ANO2: variants seen among roughly 807,000 people sequenced by gnomAD.
The protein encoded by ANO2 is anoctamin 2, also known as anoctamin-2.
In ANO2, 101 loss-of-function variants were observed where a neutral mutation model predicts 124.2. The observed-to-expected ratio is 0.81, with a 90% confidence interval of 0.69 to 0.96. ANO2 has a LOEUF of 0.96. ANO2 is among the 40% of genes least tolerant of loss of function. The probability of loss-of-function intolerance (pLI) is 0.00; values close to 1 mark genes in which losing one functional copy is unlikely to be tolerated. For synonymous variants in ANO2, 486 were observed against 482.5 expected, an observed-to-expected ratio of 1.01 and a Z score of -0.09; for missense variants, 1,293 against 1,274.5, an observed-to-expected ratio of 1.01 and a Z score of -0.22.
chr12:5,784,155 C>T (rs903722857), intron 10 of ANO2, among the ~76,000 whole-genome samples: 2 of 142,396 alleles, frequency 1.4e-5, no homozygotes, highest in African/African-American at 4.9e-5. Context: ...TCATGCTATT[C>T]CCCCCTATCT....
At position 5,615,266 on chromosome 12, in the gene ANO2, C is replaced by T; in HGVS notation, c.1848G>A (p.Glu616=). 8 of 1,613,590 alleles carry T rather than the reference C, an allele frequency of 5.0e-6. No individual in the cohort carries two copies. The highest frequency in any genetic ancestry group is 6.8e-6 in the Non-Finnish European group (8 of 1,179,740). The change falls in exon 17 of 25, where the codon GAG becomes GAA. Residue 616 remains glutamate (E), a synonymous_variant. Transcript: ENST00000682330. ...EVPKTEQTFE[E]RLILKAFLLK... ...GCAAGAAAGCTTTGAGGATCAGGCG[C>T]TCTTCAAAAGTCTGTTCTGTTTTCG...
At chr12:5,819,181 C>A (rs959801546) in intron 7 of ANO2, among the ~76,000 whole-genome samples, 1 of 152,168 alleles carries the variant, frequency 6.6e-6, no homozygotes, top group Non-Finnish European at 1.5e-5. Flanking sequence ...AATGTTGATT[C>A]TCCTCAGGAG....
chr12:5,627,501 C>T (rs1223499717), intron 16 of ANO2, among the ~76,000 whole-genome samples: 1 of 152,222 alleles, frequency 6.6e-6, no homozygotes. Flanking sequence ...GGACTCTGTC[C>T]CTGATCAGGC....
At chr12:5,806,395 C>A (rs1025285041) in intron 8 of ANO2, among the ~76,000 whole-genome samples, 4 of 152,206 alleles carry the variant, frequency 2.6e-5, no homozygotes, top group African/African-American at 7.2e-5. Flanking sequence ...TGGTTTAGCC[C>A]ATCACGTGAA....
rs886572843 is a variant in ANO2 at position 5,931,193 on chromosome 12, C to T, written c.23-8389G>A. 3.3e-5 allele frequency among the ~76,000 whole-genome samples: 5 copies of T among 152,080 alleles called. No individual in the cohort carries two copies. The South Asian group carries it at 1.0e-3, about 32-fold the overall frequency. ...TATGACATACAGGGTCTTTCATGATCGAGTCCGCACCTACCCGTCTGGACC... is the reference window on the plus strand; with the variant it reads ...TATGACATACAGGGTCTTTCATGATTGAGTCCGCACCTACCCGTCTGGACC... On this transcript the variant is annotated intron_variant, in intron 1 of 24. Transcript: ENST00000682330.
At chr12:5,796,443 C>T (rs1449126751) in intron 10 of ANO2, among the ~76,000 whole-genome samples, 1 of 150,906 alleles carries the variant, frequency 6.6e-6, no homozygotes, top group African/African-American at 2.5e-5. Flanking sequence ...CACACATGCA[C>T]TCACACACAC....
chr12:5,768,579 A>T (rs1416862650), intron 10 of ANO2, among the ~76,000 whole-genome samples: 2 of 152,136 alleles, frequency 1.3e-5, no homozygotes, highest in African/African-American at 4.8e-5. Context: ...GTGAGCACAG[A>T]CGTGCACGGA....
At chr12:5,584,944 T>G (rs185099352) in intron 20 of ANO2, among the ~76,000 whole-genome samples, 2 of 152,248 alleles carry the variant, frequency 1.3e-5, no homozygotes, top group South Asian at 2.1e-4. Flanking sequence ...CCATGTGCAT[T>G]GCTAAATACG....
chr12:5,711,472 T>C (rs1216306999), intron 14 of ANO2, among the ~76,000 whole-genome samples: 1 of 152,192 alleles, frequency 6.6e-6, no homozygotes, highest in Non-Finnish European at 1.5e-5. Flanking sequence ...ATAAGCCACA[T>C]GAATCTCTTT....
intron 14 of ANO2, among the ~76,000 whole-genome samples, chr12:5,664,912 AC>A (rs1947623586): frequency 6.6e-6 from 1 of 152,184 alleles, no homozygotes; most frequent in African/African-American, 2.4e-5. Flanking sequence ...TGATCATGAA[AC>A]TTTTTGGTGG....
intron 14 of ANO2, among the ~76,000 whole-genome samples, chr12:5,720,616 C>T (rs1950191755): frequency 3.3e-5 from 5 of 152,180 alleles, no homozygotes; most frequent in Admixed American, 3.3e-4. Flanking sequence ...TCCAACATTC[C>T]CAATCATTGC....
At chr12:5,923,160 G>GCA (rs1388871096) in intron 1 of ANO2, among the ~76,000 whole-genome samples, 3 of 24,598 alleles carry the variant, frequency 1.2e-4, no homozygotes, top group African/African-American at 2.3e-4. Context: ...ATACACACAC[G>GCA]CATACACACA....
chr12:5,698,381 G>C (rs1376095522), intron 14 of ANO2, among the ~76,000 whole-genome samples: 4 of 152,210 alleles, frequency 2.6e-5, no homozygotes, highest in Non-Finnish European at 5.9e-5. Context: ...CTGCAGCTGA[G>C]GGTTCTGACT....
intron 4 of ANO2, among the ~76,000 whole-genome samples, chr12:5,844,701 C>T (rs1300083616): frequency 6.6e-6 from 1 of 152,056 alleles, no homozygotes; most frequent in Non-Finnish European, 1.5e-5. Flanking sequence ...AATCTGTTGC[C>T]TCTCCCAGAC....
At chr12:5,666,835 T>C (rs771353230) in intron 14 of ANO2, among the ~76,000 whole-genome samples, 41 of 146,960 alleles carry the variant, frequency 2.8e-4, no homozygotes, top group Admixed American at 6.8e-4. Flanking sequence ...AGTGTCTTTG[T>C]TTGCCTTGGG....
intron 20 of ANO2, among the ~76,000 whole-genome samples, chr12:5,585,156 G>A (rs1943042581): frequency 1.3e-5 from 2 of 151,924 alleles, no homozygotes; most frequent in South Asian, 2.1e-4. Context: ...TGGGCTCCAC[G>A]TGAAGAACAA....
chr12:5,728,095 C>T (rs1453272042), intron 14 of ANO2, among the ~76,000 whole-genome samples: 3 of 152,106 alleles, frequency 2.0e-5, no homozygotes, highest in East Asian at 3.9e-4. Context: ...CGTGAGCCAC[C>T]GCACCCGGCC....
intron 14 of ANO2, among the ~76,000 whole-genome samples, chr12:5,679,042 C>A (rs541241339): frequency 6.6e-6 from 1 of 152,336 alleles, no homozygotes; most frequent in East Asian, 1.9e-4. Flanking sequence ...AAAAGTATGA[C>A]ACGACCTCTA....
chr12:5,924,510 C>T (rs1386497220), intron 1 of ANO2, among the ~76,000 whole-genome samples: 2 of 152,160 alleles, frequency 1.3e-5, no homozygotes, highest in Non-Finnish European at 2.9e-5. Context: ...GGAGACAGCA[C>T]AGAAGGGCAG....
Sources: gnomAD v4.1 joint callset for allele counts (sites outside exome capture counted in the v4.1 genomes callset) on GRCh38, gnomAD v4.1.1 for gene constraint, MANE v1.5 for transcripts, NCBI Gene and HGNC (gene_info 2026-07-23, HGNC 2026-07-21) for gene names.